The following ANAPC1 variants were observed in gnomAD, a reference collection of about 807,000 sequenced individuals.
The protein encoded by ANAPC1 is anaphase-promoting complex subunit 1.
In ANAPC1, 36 loss-of-function variants were observed where a neutral mutation model predicts 208.0. The ratio of observed to expected loss-of-function variants is 0.17; its 90% CI spans 0.13 to 0.23. ANAPC1 has a LOEUF of 0.23. ANAPC1 is among the 10% of genes least tolerant of loss of function. The probability of loss-of-function intolerance (pLI) is 1.00; values close to 1 mark genes in which losing one functional copy is unlikely to be tolerated. For synonymous variants in ANAPC1, 378 were observed against 695.2 expected, an observed-to-expected ratio of 0.54 and a Z score of 7.18; for missense variants, 942 against 2,011.6, an observed-to-expected ratio of 0.47 and a Z score of 10.17.
intron 47 of ANAPC1, among the ~76,000 whole-genome samples, chr2:111,769,827 C>T (rs1676630699): frequency 6.8e-6 from 1 of 147,922 alleles, no homozygotes; most frequent in Non-Finnish European, 1.5e-5. Context: ...ACTACAGGTG[C>T]CCACCACCAC....
chr2:111,792,325 T>C (rs1235882073), intron 38 of ANAPC1, 37 bp downstream of exon 38: 1 of 1,305,680 alleles, frequency 7.7e-7, no homozygotes, highest in Non-Finnish European at 1.1e-6. Context: ...ATCTCACCAA[T>C]GAGATCTTTT....
chr2:111,852,710 G>A (rs1681472394), intron 13 of ANAPC1, among the ~76,000 whole-genome samples: 1 of 152,014 alleles, frequency 6.6e-6, no homozygotes, highest in African/African-American at 2.4e-5. Context: ...CAGTCTGTGA[G>A]CTAAGAATAG....
chr2:111,840,351 T>C (rs1680696870), intron 17 of ANAPC1, among the ~76,000 whole-genome samples: 1 of 152,244 alleles, frequency 6.6e-6, no homozygotes, highest in Admixed American at 6.5e-5. Flanking sequence ...GCTTTGACTA[T>C]GAGGACAAAA....
intron 11 of ANAPC1, among the ~76,000 whole-genome samples, chr2:111,857,722 C>T (rs1289608163): frequency 6.6e-6 from 1 of 152,308 alleles, no homozygotes; most frequent in South Asian, 2.1e-4. Flanking sequence ...CATATGTCCA[C>T]ATTTTTGCTC....
chr2:111,880,387 A>G, intron 2 of ANAPC1: 1 of 1,016,894 alleles, frequency 9.8e-7, no homozygotes, highest in Non-Finnish European at 1.3e-6. Context: ...AAAAAAATTG[A>G]AAAATAAAAA....
At chr2:111,797,481 TAAC>T (rs1678223378) in intron 34 of ANAPC1, among the ~76,000 whole-genome samples, 1 of 146,706 alleles carries the variant, frequency 6.8e-6, no homozygotes, top group Admixed American at 6.8e-5. Flanking sequence ...AAAATTATGG[TAAC>T]AAATGAGCGA....
intron 21 of ANAPC1, among the ~76,000 whole-genome samples, chr2:111,828,222 A>C (rs1185938293): frequency 6.6e-6 from 1 of 152,212 alleles, no homozygotes; most frequent in Non-Finnish European, 1.5e-5. Context: ...AAACAATGAG[A>C]TATCACTTCA....
At chr2:111,769,705 G>A (rs1432635812) in intron 47 of ANAPC1, among the ~76,000 whole-genome samples, 4 of 117,168 alleles carry the variant, frequency 3.4e-5, no homozygotes, top group Admixed American at 2.0e-4. Flanking sequence ...TTTTGGAGAC[G>A]AAGTCTCACT....
chr2:111,864,296 A>G (rs190519822), intron 8 of ANAPC1, among the ~76,000 whole-genome samples: 2,805 of 149,192 alleles, frequency 0.019, 77 homozygotes, highest in African/African-American at 0.066. Context: ...ATTATACTTC[A>G]GCCTGGGTGA....
intron 20 of ANAPC1, among the ~76,000 whole-genome samples, chr2:111,832,305 GAAAAAAAAAA>G (rs11431305): frequency 1.3e-5 from 1 of 76,822 alleles, no homozygotes; most frequent in Non-Finnish European, 2.8e-5. Flanking sequence ...CCTGTCTCAA[GAAAAAAAAAA>G]AAAAAAAAAG....
At chr2:111,810,402 G>A (rs1311551117) in intron 28 of ANAPC1, among the ~76,000 whole-genome samples, 1 of 152,024 alleles carries the variant, frequency 6.6e-6, no homozygotes, top group African/African-American at 2.4e-5. Context: ...GGTGATGGAT[G>A]TACAACTCTG....
In ANAPC1 at chr2:111,873,341, T is replaced by C. The variant is rs781082340; in HGVS notation, c.495A>G (p.Glu165=). The C allele has an allele frequency of 2.5e-6, 4 of 1,608,716 alleles. No individual in the cohort carries two copies. Among genetic ancestry groups the C allele is most frequent in the East Asian group, 2.2e-5 (1 of 44,704 alleles). ...GTAATGAAGCTATGTAATCCTTTCC[T>C]TCTATGCTATGCATGTTAATACATG... ...QSSCINMHSI[E]GKDYIASLPF... Residue 165 remains glutamate, a synonymous_variant, in exon 5 of 48, where the codon GAA becomes GAG. Transcript: ENST00000341068.
chr2:111,879,975 C>T (rs1234135519), intron 2 of ANAPC1, among the ~76,000 whole-genome samples: 2 of 152,178 alleles, frequency 1.3e-5, no homozygotes, highest in African/African-American at 2.4e-5. Flanking sequence ...TAATCTCTAC[C>T]ATTTAATCAT....
At chr2:111,861,210 G>A (rs1682045534) in intron 10 of ANAPC1, among the ~76,000 whole-genome samples, 1 of 152,062 alleles carries the variant, frequency 6.6e-6, no homozygotes, top group South Asian at 2.1e-4. Context: ...AGAGTAGCTG[G>A]GACTACAGAT....
rs536325994 is a variant in ANAPC1 at position 111,782,140 on chromosome 2, ACAGT to A, written c.5202+225_5202+228del. On this transcript the variant is annotated intron_variant, in intron 43 of 47. Transcript: ENST00000341068. ...TGCTGCTAAATGTAAACATTAACTT[ACAGT>A]ATTTTACTTTATTATATATATATTA... 1.8e-4 allele frequency among the ~76,000 whole-genome samples: 27 copies of A among 150,810 alleles called. No individual in the cohort carries two copies. The East Asian group carries it at 5.2e-3, about 29-fold the overall frequency.
At chr2:111,790,650 G>GT (rs1225804324) in intron 38 of ANAPC1, among the ~76,000 whole-genome samples, 1 of 151,748 alleles carries the variant, frequency 6.6e-6, no homozygotes, top group Non-Finnish European at 1.5e-5. Flanking sequence ...TTTTCTCTGG[G>GT]TAAGAAAATA....
intron 16 of ANAPC1, among the ~76,000 whole-genome samples, chr2:111,845,196 A>G (rs10199220): frequency 0.58 from 88,329 of 151,982 alleles, 26,598 homozygotes; most frequent in South Asian, 0.69. Context: ...CTACACTGTC[A>G]TACAATGATC....
intron 10 of ANAPC1, among the ~76,000 whole-genome samples, chr2:111,860,538 A>T (rs1398316130): frequency 7.1e-6 from 1 of 141,672 alleles, no homozygotes; most frequent in African/African-American, 2.6e-5. Flanking sequence ...GCTCTGGCCA[A>T]GGTCACCAAG....
intron 24 of ANAPC1, 65 bp downstream of exon 24, chr2:111,824,900 GC>G (rs1431718884): frequency 6.4e-7 from 1 of 1,568,414 alleles, no homozygotes; most frequent in East Asian, 2.2e-5. Context: ...CTCTCCTCAT[GC>G]CTTCCACTTC....
Sources: allele counts gnomAD v4.1 joint callset (sites outside exome capture counted in the v4.1 genomes callset), GRCh38; gene constraint gnomAD v4.1.1; transcripts MANE v1.5; gene names NCBI Gene and HGNC (gene_info 2026-07-23, HGNC 2026-07-21).